Variants in TXNL4A observed in about 807,000 individuals in gnomAD.
The protein encoded by TXNL4A is thioredoxin-like protein 4A.
TXNL4A carries 17 observed loss-of-function variants against 14.6 expected under a neutral mutation model. The ratio of observed to expected loss-of-function variants is 1.16; its 90% CI spans 0.80 to 1.74. TXNL4A has a LOEUF of 1.74. Ranked by LOEUF, TXNL4A falls within the 40% of genes most tolerant of loss-of-function variation. TXNL4A has a pLI of 0.00. For synonymous variants in TXNL4A, 83 were observed against 70.6 expected (o/e 1.18, Z -0.88); for missense variants, 74 against 195.2 (o/e 0.38, Z 3.70).
intron 1 of TXNL4A, among the ~76,000 whole-genome samples, chr18:79,998,999 T>C (rs532210934): frequency 2.4e-4 from 36 of 152,302 alleles, no homozygotes; most frequent in Non-Finnish European, 4.3e-4. Flanking sequence ...CAGGATATGC[T>C]GTGGTTTCCT....
intron 1 of TXNL4A, among the ~76,000 whole-genome samples, chr18:80,013,006 A>G (rs62102578): frequency 6.6e-6 from 1 of 152,060 alleles, no homozygotes; most frequent in Non-Finnish European, 1.5e-5. Context: ...GGTTTCGTAC[A>G]TAGCAGAGCA....
chr18:80,002,110 A>G (rs1424212741), intron 1 of TXNL4A, among the ~76,000 whole-genome samples: 1 of 152,158 alleles, frequency 6.6e-6, no homozygotes. Context: ...CTGGTAGTGA[A>G]CAAATCTCAC....
At chr18:79,978,686 G>A (rs2051416907) in intron 1 of TXNL4A, among the ~76,000 whole-genome samples, 1 of 152,058 alleles carries the variant, frequency 6.6e-6, no homozygotes, top group South Asian at 2.1e-4. Context: ...TAGAGACAGG[G>A]TTTTGCCATG....
chr18:79,983,673 T>C (rs948647616), intron 1 of TXNL4A, among the ~76,000 whole-genome samples: 1 of 152,254 alleles, frequency 6.6e-6, no homozygotes, highest in African/African-American at 2.4e-5. Flanking sequence ...CTGAAAAACT[T>C]GACTTTCTAA....
intron 2 of TXNL4A, among the ~76,000 whole-genome samples, chr18:79,974,874 G>C (rs2051355509): frequency 6.6e-6 from 1 of 152,128 alleles, no homozygotes; most frequent in Admixed American, 6.5e-5. Context: ...CTGGGCTGCA[G>C]GCATACCCCA....
upstream of TXNL4A, among the ~76,000 whole-genome samples, chr18:79,988,907 T>C (rs1284532983): frequency 6.6e-6 from 1 of 152,170 alleles, no homozygotes; most frequent in Admixed American, 6.5e-5. Context: ...TGCGGCTCGT[T>C]TTCTTCCTTT....
At chr18:79,980,827 C>G (rs1433617074) in intron 1 of TXNL4A, among the ~76,000 whole-genome samples, 1 of 152,146 alleles carries the variant, frequency 6.6e-6, no homozygotes, top group East Asian at 1.9e-4. Context: ...AGCACACGGC[C>G]CACTGCAGGG....
chr18:79,999,695 A>C (rs2051686965), intron 1 of TXNL4A, among the ~76,000 whole-genome samples: 1 of 152,160 alleles, frequency 6.6e-6, no homozygotes, highest in South Asian at 2.1e-4. Context: ...CAATCCAGAA[A>C]ATGACCATAA....
chr18:80,005,812 G>GTTA (rs1436383151), intron 1 of TXNL4A, among the ~76,000 whole-genome samples: 1 of 152,232 alleles, frequency 6.6e-6, no homozygotes, highest in Non-Finnish European at 1.5e-5. Flanking sequence ...TACTTGGGAG[G>GTTA]CTGAGGCAGG....
intron 1 of TXNL4A, among the ~76,000 whole-genome samples, chr18:80,010,197 C>T (rs138712717): frequency 4.6e-5 from 7 of 152,152 alleles, no homozygotes; most frequent in African/African-American, 9.6e-5. Context: ...GTTTAATAAG[C>T]GAAAGAAGAA....
intron 1 of TXNL4A, among the ~76,000 whole-genome samples, chr18:79,978,572 C>A (rs2051414937): frequency 6.6e-6 from 1 of 152,264 alleles, no homozygotes; most frequent in East Asian, 1.9e-4. Context: ...TGGCTCACTG[C>A]AACCTCTGCC....
chr18:80,031,508 T>C (rs754916364), intron 1 of TXNL4A, among the ~76,000 whole-genome samples: 3 of 152,200 alleles, frequency 2.0e-5, no homozygotes, highest in African/African-American at 7.2e-5. Context: ...TACAATCTCG[T>C]TGGACACGTT....
intron 1 of TXNL4A, among the ~76,000 whole-genome samples, chr18:80,015,414 A>G (rs9959675): frequency 0.76 from 114,528 of 150,512 alleles, 44,328 homozygotes; most frequent in East Asian, 0.91. Flanking sequence ...ACAATGTGCA[A>G]GTCAGTTACA....
At chr18:80,009,568 G>C (rs991187687) in intron 1 of TXNL4A, among the ~76,000 whole-genome samples, 24 of 152,294 alleles carry the variant, frequency 1.6e-4, no homozygotes, top group African/African-American at 5.3e-4. Flanking sequence ...ATTTGGCTGA[G>C]AGGAAGAAAT....
chr18:80,031,540 A>G (rs1417644547), intron 1 of TXNL4A, among the ~76,000 whole-genome samples: 1 of 152,184 alleles, frequency 6.6e-6, no homozygotes, highest in African/African-American at 2.4e-5. Context: ...TGGTATGATC[A>G]TTTAACTTCA....
intron 1 of TXNL4A, among the ~76,000 whole-genome samples, chr18:80,019,887 C>T (rs925141627): frequency 9.9e-5 from 15 of 152,262 alleles, no homozygotes; most frequent in African/African-American, 2.4e-4. Flanking sequence ...CCATACCATG[C>T]TTTATTTATA....
intron 1 of TXNL4A, among the ~76,000 whole-genome samples, chr18:80,018,992 C>T (rs185358642): frequency 2.6e-5 from 4 of 152,324 alleles, no homozygotes; most frequent in Admixed American, 6.5e-5. Context: ...TTGTCCATAT[C>T]GCTATCAAAA....
chr18:80,031,375 T>G (rs2051920153), intron 1 of TXNL4A, among the ~76,000 whole-genome samples: 1 of 152,234 alleles, frequency 6.6e-6, no homozygotes, highest in Non-Finnish European at 1.5e-5. Flanking sequence ...ACATATTGGC[T>G]ATGTGGCACT....
upstream of TXNL4A, among the ~76,000 whole-genome samples, chr18:79,993,338 C>CT (rs2051640274): frequency 6.6e-6 from 1 of 151,502 alleles, no homozygotes; most frequent in Non-Finnish European, 1.5e-5. This position sits in a 1 kb window ranked among gnomAD's most constrained non-coding sequence, Gnocchi z 4.4. Context: ...AAAAAATCTC[C>CT]TTTTTTCCTG....
Sources: allele counts gnomAD v4.1 joint callset (sites outside exome capture counted in the v4.1 genomes callset), GRCh38; gene constraint gnomAD v4.1.1; non-coding constraint Gnocchi (gnomAD v3.1); transcripts MANE v1.5; gene names NCBI Gene and HGNC (gene_info 2026-07-23, HGNC 2026-07-21).